The following NOS1AP variants were observed in gnomAD, a reference collection of about 807,000 sequenced individuals.
NOS1AP encodes the protein carboxyl-terminal PDZ ligand of neuronal nitric oxide synthase protein.
A neutral mutation model predicts 56.2 loss-of-function variants in NOS1AP; 21 were observed. The observed-to-expected ratio is 0.37, with a 90% CI of 0.26 to 0.54. The LOEUF (loss-of-function observed/expected upper bound fraction) is 0.54. Among genes scored for constraint, NOS1AP ranks in the 20% least tolerant of loss-of-function variants. The pLI is 0.84. For synonymous variants in NOS1AP, 270 were observed against 274.6 expected (o/e 0.98, Z 0.17); for missense variants, 522 against 657.8 (o/e 0.79, Z 2.26).
At chr1:162,194,351 G>C (rs541772601) in intron 2 of NOS1AP, among the ~76,000 whole-genome samples, 18 of 152,202 alleles carry the variant, frequency 1.2e-4, no homozygotes, top group African/African-American at 4.1e-4. Flanking sequence ...GAGCCTGGTT[G>C]GTCCATCTCT....
At chr1:162,171,998 T>C (rs1443325582) in intron 2 of NOS1AP, among the ~76,000 whole-genome samples, 2 of 152,146 alleles carry the variant, frequency 1.3e-5, no homozygotes, top group Non-Finnish European at 2.9e-5. Context: ...AGCCCCAAGG[T>C]TGGGGCTTCA....
At chr1:162,297,865 A>C (rs1032444714) in intron 3 of NOS1AP, among the ~76,000 whole-genome samples, 1 of 152,202 alleles carries the variant, frequency 6.6e-6, no homozygotes, top group East Asian at 1.9e-4. Context: ...GAGAGAGGGC[A>C]GCCTGGCTAG....
At chr1:162,363,779 T>A in intron 8 of NOS1AP, 1 of 985,380 alleles carries the variant, frequency 1.0e-6, no homozygotes, top group Non-Finnish European at 1.2e-6. Flanking sequence ...ACACCTGTTC[T>A]CACCCCTCCC....
At chr1:162,191,249 C>T (rs1651631404) in intron 2 of NOS1AP, among the ~76,000 whole-genome samples, 1 of 152,138 alleles carries the variant, frequency 6.6e-6, no homozygotes, top group African/African-American at 2.4e-5. Context: ...GGAAAATATC[C>T]CTGAGTTCCC....
chr1:162,117,751 C>A (rs80069991), intron 1 of NOS1AP, among the ~76,000 whole-genome samples: 1 of 152,166 alleles, frequency 6.6e-6, no homozygotes, highest in African/African-American at 2.4e-5. Context: ...CCAACTGGAA[C>A]GAGTTGGGGC....
intron 6 of NOS1AP, among the ~76,000 whole-genome samples, chr1:162,352,653 C>T (rs534547416): frequency 2.6e-5 from 4 of 152,132 alleles, no homozygotes; most frequent in Non-Finnish European, 5.9e-5. Flanking sequence ...TTCTGGTTCG[C>T]AAACAGCTGC....
At chr1:162,294,190 AG>A (rs1279645057) in intron 3 of NOS1AP, among the ~76,000 whole-genome samples, 1 of 34,648 alleles carries the variant, frequency 2.9e-5, no homozygotes, top group Non-Finnish European at 1.2e-4. Context: ...GAAGGAAGGA[AG>A]GAAGTAAGGA....
chr1:162,079,226 AT>A (rs796095702), intron 1 of NOS1AP, among the ~76,000 whole-genome samples: 35 of 150,934 alleles, frequency 2.3e-4, no homozygotes, highest in African/African-American at 7.8e-4. Flanking sequence ...CCAAGTAAGC[AT>A]TTTTTTTTCC....
At chr1:162,232,049 A>G (rs1376244415) in intron 2 of NOS1AP, among the ~76,000 whole-genome samples, 3 of 152,228 alleles carry the variant, frequency 2.0e-5, no homozygotes, top group African/African-American at 7.2e-5. Context: ...CTCTTGTAGC[A>G]CAGAGGTATC....
chr1:162,362,930 A>T (rs1657951446), intron 8 of NOS1AP: 1 of 974,546 alleles, frequency 1.0e-6, no homozygotes, highest in Non-Finnish European at 1.2e-6. Context: ...TGTTGAGTGG[A>T]TATAGGAAGA....
intron 2 of NOS1AP, among the ~76,000 whole-genome samples, chr1:162,211,771 G>C (rs1402075567): frequency 1.3e-5 from 2 of 151,986 alleles, no homozygotes; most frequent in South Asian, 4.1e-4. Flanking sequence ...TTTGCTGACC[G>C]TATCCTGGTT....
At chr1:162,281,113 A>G (rs950071299) in intron 2 of NOS1AP, among the ~76,000 whole-genome samples, 1 of 152,224 alleles carries the variant, frequency 6.6e-6, no homozygotes, top group African/African-American at 2.4e-5. Flanking sequence ...GCTTTGGCCA[A>G]TAATGACAGC....
At chr1:162,342,467 T>C in intron 5 of NOS1AP, 1 of 466,682 alleles carries the variant, frequency 2.1e-6, no homozygotes, top group South Asian at 1.6e-5. Context: ...GAAGCAATTC[T>C]AGAAGTTATA....
At chr1:162,240,153 T>G (rs1323633456) in intron 2 of NOS1AP, among the ~76,000 whole-genome samples, 1 of 152,126 alleles carries the variant, frequency 6.6e-6, no homozygotes, top group Non-Finnish European at 1.5e-5. Context: ...TCCTTCTCAA[T>G]AAGCCACAAC....
At chr1:162,180,795 G>A (rs2102145033) in intron 2 of NOS1AP, among the ~76,000 whole-genome samples, 1 of 152,304 alleles carries the variant, frequency 6.6e-6, no homozygotes, top group Non-Finnish European at 1.5e-5. Context: ...CATGGTTGCA[G>A]CTTTGCAAGA....
intron 2 of NOS1AP, among the ~76,000 whole-genome samples, chr1:162,260,580 T>A (rs1654176018): frequency 6.6e-6 from 1 of 152,214 alleles, no homozygotes; most frequent in South Asian, 2.1e-4. Context: ...AAGTTGTAAC[T>A]AATTGATCAG....
At chr1:162,284,687 C>A (rs1284556954) in intron 2 of NOS1AP, among the ~76,000 whole-genome samples, 1 of 152,174 alleles carries the variant, frequency 6.6e-6, no homozygotes, top group Admixed American at 6.5e-5. Flanking sequence ...AGTTCAGTTG[C>A]ACTTTTGAGT....
Position 162,248,540 on chromosome 1 carries a change from T to A in NOS1AP, c.178-38804T>A, listed in dbSNP as rs61808488. 6.4e-3 allele frequency among the ~76,000 whole-genome samples: 971 copies of A among 152,296 alleles called. 3 individuals are homozygous for A. Among genetic ancestry groups the A allele is most frequent in the Non-Finnish European group, 0.012 (789 of 68,016 alleles). On this transcript the variant is annotated intron_variant, in intron 2 of 9. Coordinates refer to ENST00000361897, the MANE Select transcript of NOS1AP (RefSeq NM_014697.3). ...CAGAAGGACTTCTAATATGCTCCGC[T>A]TTTACCTGAAAAAAGTTTGCAGCAG...
In NOS1AP at chr1:162,254,388, C is replaced by T. The variant is rs562171851; in HGVS notation, c.178-32956C>T. Reference sequence around the variant, plus strand: ...GAACCATTGTGGGTGAATGTGCAAACGTGAGTGTTACCACTGTCCCATGTG... The same window carrying T: ...GAACCATTGTGGGTGAATGTGCAAATGTGAGTGTTACCACTGTCCCATGTG... On this transcript the variant is annotated intron_variant, in intron 2 of 9. Transcript: ENST00000361897. 4.7e-4 allele frequency among the ~76,000 whole-genome samples: 72 copies of T among 152,258 alleles called. 1 individual carries two copies. The highest frequency in any genetic ancestry group is 6.8e-3 in the Middle Eastern group (2 of 294).
Sources: allele counts gnomAD v4.1 joint callset (sites outside exome capture counted in the v4.1 genomes callset), GRCh38; gene constraint gnomAD v4.1.1; transcripts MANE v1.5; gene names NCBI Gene and HGNC (gene_info 2026-07-23, HGNC 2026-07-21).